The following PCDHGA4 variants were observed in gnomAD, a reference collection of about 807,000 sequenced individuals.
PCDHGA4 encodes protocadherin gamma-A4.
PCDHGA4 carries 38 observed loss-of-function variants against 54.6 expected under a neutral mutation model. That is an observed-to-expected ratio of 0.70 (90% CI 0.54 to 0.91). The LOEUF is 0.91. Among genes scored for constraint, PCDHGA4 ranks in the 40% least tolerant of loss-of-function variants. PCDHGA4 has a pLI of 0.00. For missense variants in PCDHGA4, 1,298 were observed against 1,220.9 expected (o/e 1.06, Z -0.94); for synonymous variants, 511 against 512.9 (o/e 1.00, Z 0.05).
In PCDHGA4 at chr5:141,476,780, C is replaced by T. The variant is rs201463036; in HGVS notation, c.2515-18027C>T. On this transcript the variant is annotated intron_variant, in intron 1 of 3. Transcript: ENST00000571252. This position sits in a 1 kb window ranked among gnomAD's most constrained non-coding sequence, Gnocchi z 7.6. ...GCTGACGGCGTTGGACGGAGGGACCCCAGCTCTCTCCGCCAGCCTGCCTAT... is the reference window on the plus strand; with the variant it reads ...GCTGACGGCGTTGGACGGAGGGACCTCAGCTCTCTCCGCCAGCCTGCCTAT... 234 of 1,613,464 alleles carry T rather than the reference C, an allele frequency of 1.5e-4. No individual in the cohort carries two copies. Among genetic ancestry groups the T allele is most frequent in the Non-Finnish European group, 1.9e-4 (227 of 1,180,026 alleles).
chr5:141,362,202 G>A, intron 1 of PCDHGA4: 1 of 1,614,078 alleles, frequency 6.2e-7, no homozygotes, highest in Non-Finnish European at 8.5e-7. Flanking sequence ...CAAAACTGCA[G>A]TTTTACCTGG....
intron 1 of PCDHGA4, chr5:141,403,391 G>C (rs1182066905): frequency 6.2e-7 from 1 of 1,614,046 alleles, no homozygotes; most frequent in East Asian, 2.2e-5. Flanking sequence ...CGAAATCGCG[G>C]TTCCTGGAGC....
At chr5:141,417,915 C>T in intron 1 of PCDHGA4, 1 of 1,603,354 alleles carries the variant, frequency 6.2e-7, no homozygotes. Flanking sequence ...GTACTATTTC[C>T]TTTGCTGCTG....
intron 3 of PCDHGA4, among the ~76,000 whole-genome samples, chr5:141,509,068 G>A (rs1267011061): frequency 6.6e-6 from 1 of 152,144 alleles, no homozygotes; most frequent in Non-Finnish European, 1.5e-5. Flanking sequence ...TCTCAGCTCC[G>A]GGGATTTGCG....
intron 1 of PCDHGA4, among the ~76,000 whole-genome samples, chr5:141,363,487 A>G (rs1467927286): frequency 6.6e-6 from 1 of 152,248 alleles, no homozygotes; most frequent in African/African-American, 2.4e-5. Context: ...TGCATGGATG[A>G]TGAAATAAAA....
rs372168887 is a variant in PCDHGA4, at chr5:141,477,322, C to T, written c.2515-17485C>T. On this transcript the variant is annotated intron_variant, in intron 1 of 3. Transcript: ENST00000571252. The surrounding 1 kb of genome is among the most constrained non-coding windows in gnomAD (Gnocchi z 4.9). The stretch of plus-strand genomic sequence containing the variant: ...GTCTCCCTTTCAGCCTTACTTCTTC[C>T]CTCAAGAATTACTTCACTTTGAAAA... 17 of 1,614,050 alleles carry T rather than the reference C, an allele frequency of 1.1e-5. No homozygotes were observed. In the African/African-American group the frequency reaches 1.5e-4, roughly 14 times the overall value.
chr5:141,429,169 T>TACGC (rs2097190400), intron 1 of PCDHGA4: 1 of 145,394 alleles, frequency 6.9e-6, no homozygotes, highest in Non-Finnish European at 1.5e-5. Flanking sequence ...ACATTGTTTA[T>TACGC]ACACACACAC....
intron 3 of PCDHGA4, chr5:141,507,313 T>TAC (rs1554192306): frequency 6.7e-6 from 1 of 150,168 alleles, no homozygotes. Context: ...CATAATGTAC[T>TAC]AAAAAAAAAA....
chr5:141,371,372 T>A lies in PCDHGA4; in HGVS notation c.2514+13751T>A, dbSNP rs73265849. ...GGGTGGAAGCAAAGGATGGTGGACA[T>A]CACACTGCATATTGTAAAGTACAGA... is the stretch of plus-strand genomic sequence containing the variant. On this transcript the variant is annotated intron_variant, in intron 1 of 3. Transcript: ENST00000571252. 2,400 of 1,613,952 alleles carry A rather than the reference T, an allele frequency of 1.5e-3. 32 individuals are homozygous for A. In the African/African-American group the frequency reaches 0.028, roughly 19 times the overall value.
intron 1 of PCDHGA4, chr5:141,385,487 A>T (rs1781222873): frequency 5.6e-6 from 8 of 1,416,434 alleles, no homozygotes; most frequent in Non-Finnish European, 6.4e-6. Context: ...TATAGAACAC[A>T]TAGGATATAG....
rs768847018 is a variant in PCDHGA4 at position 141,431,426 on chromosome 5, A to C, written c.2515-63381A>C. On this transcript the variant is annotated intron_variant, in intron 1 of 3. Transcript: ENST00000571252. The surrounding 1 kb of genome is among the most constrained non-coding windows in gnomAD (Gnocchi z 4.8). ...CTCCGACGGGGGCGACCCGGTGCGCACAGGCACCGCGCGCATCCGCGTGAT... is the reference window on the plus strand; with the variant it reads ...CTCCGACGGGGGCGACCCGGTGCGCCCAGGCACCGCGCGCATCCGCGTGAT... 6.2e-7 allele frequency: 1 copy of C among 1,613,666 alleles called. No individual in the cohort carries two copies. The highest frequency in any genetic ancestry group is 1.1e-5 in the South Asian group (1 of 91,078).
chr5:141,409,669 C>T, intron 1 of PCDHGA4: 1 of 1,613,528 alleles, frequency 6.2e-7, no homozygotes, highest in Non-Finnish European at 8.5e-7. Context: ...ACATCTCCTA[C>T]TCTATAGTGG....
chr5:141,477,845 GT>G lies in PCDHGA4; in HGVS notation c.2515-16961del, dbSNP rs1562065234. ...ATATCCTCGGCCAGGTGGGAGCTCG[GT>G]GGAGATGCTGCCTCGAGGTACCTCA... is the stretch of plus-strand genomic sequence containing the variant. On this transcript the variant is annotated intron_variant, in intron 1 of 3. Coordinates refer to ENST00000571252, the MANE Select transcript of PCDHGA4 (RefSeq NM_018917.4). This position sits in a 1 kb window ranked among gnomAD's most constrained non-coding sequence, Gnocchi z 4.9. 1 of 1,614,038 alleles carries G rather than the reference GT, an allele frequency of 6.2e-7. No homozygotes were observed. Among genetic ancestry groups the G allele is most frequent in the East Asian group, 2.2e-5 (1 of 44,896 alleles).
intron 1 of PCDHGA4, chr5:141,404,006 C>A: frequency 6.2e-7 from 1 of 1,613,804 alleles, no homozygotes; most frequent in Non-Finnish European, 8.5e-7. Context: ...CATTACATCT[C>A]TGTTTAGCCC....
Position 141,511,390 on chromosome 5 carries a change from C to T in PCDHGA4, c.*217C>T, listed in dbSNP as rs2099883760. 1.8e-6 allele frequency: 2 copies of T among 1,101,460 alleles called. No individual in the cohort carries two copies. Among genetic ancestry groups the T allele is most frequent in the Admixed American group, 2.9e-5 (1 of 34,440 alleles). The allele number at this position is 1,101,460 out of a possible 1,614,324, so 68.2% of individuals were successfully genotyped here. A position where few individuals can be genotyped will look rare whatever the true frequency, so the allele number is the denominator to read the frequency against. On this transcript the variant is annotated 3_prime_UTR_variant, in exon 4 of 4. Transcript: ENST00000571252. ...ATGCAAAAGCAGTTCCGCTGGGAAC[C>T]CCCATCCAATCAACTGCTGTACCCA... is the stretch of plus-strand genomic sequence containing the variant.
chr5:141,375,766 G>A, intron 1 of PCDHGA4: 2 of 1,614,270 alleles, frequency 1.2e-6, no homozygotes, highest in Non-Finnish European at 1.7e-6. Flanking sequence ...ATGCGCCCGA[G>A]ATCCTGTACC....
At chr5:141,388,126 G>T (rs531546122) in intron 1 of PCDHGA4, 7 of 1,431,030 alleles carry the variant, frequency 4.9e-6, no homozygotes, top group East Asian at 2.4e-5. Flanking sequence ...AGCGCAGAGA[G>T]CGGGGAGTTG....
Position 141,432,253 on chromosome 5 carries a change from G to A in PCDHGA4, c.2515-62554G>A, listed in dbSNP as rs1193159615. ...CCCTGGCTGAGAACACCATCCAAGGGGCAAGCCTATCGTCCTACGTGTCCA... is the reference window on the plus strand; with the variant it reads ...CCCTGGCTGAGAACACCATCCAAGGAGCAAGCCTATCGTCCTACGTGTCCA... On this transcript the variant is annotated intron_variant, in intron 1 of 3. Coordinates refer to ENST00000571252, the MANE Select transcript of PCDHGA4 (RefSeq NM_018917.4). The surrounding 1 kb of genome is among the most constrained non-coding windows in gnomAD (Gnocchi z 6.0). 2.5e-6 allele frequency: 4 copies of A among 1,614,086 alleles called. No individual in the cohort carries two copies. Among genetic ancestry groups the A allele is most frequent in the Non-Finnish European group, 3.4e-6 (4 of 1,180,046 alleles).
chr5:141,408,174 C>T, intron 1 of PCDHGA4: 3 of 1,531,244 alleles, frequency 2.0e-6, no homozygotes, highest in Non-Finnish European at 1.8e-6. Flanking sequence ...ACTGGAAAAG[C>T]GGGGACCCAG....
Sources: gnomAD v4.1 joint callset for allele counts (sites outside exome capture counted in the v4.1 genomes callset) on GRCh38, gnomAD v4.1.1 for gene constraint, Gnocchi (gnomAD v3.1) non-coding constraint, MANE v1.5 for transcripts, NCBI Gene and HGNC (gene_info 2026-07-23, HGNC 2026-07-21) for gene names.